Variants in NUP155 observed in about 807,000 individuals in gnomAD.
The protein encoded by NUP155 is nucleoporin 155.
NUP155 carries 71 observed loss-of-function variants against 180.4 expected under a neutral mutation model. The observed-to-expected ratio is 0.39, with a 90% CI of 0.33 to 0.48. The LOEUF (loss-of-function observed/expected upper bound fraction) is 0.48, where lower values mean the gene tolerates loss of function less well. Ranked by LOEUF, NUP155 falls within the 20% of genes least tolerant of loss-of-function variation. NUP155 has a pLI of 0.91. For synonymous variants in NUP155, 582 were observed against 559.5 expected (o/e 1.04, Z -0.57); for missense variants, 1,553 against 1,648.9 (o/e 0.94, Z 1.01).
chr5:37,317,649 C>T (rs540112008), intron 21 of NUP155, among the ~76,000 whole-genome samples: 87 of 151,094 alleles, frequency 5.8e-4, no homozygotes, highest in Non-Finnish European at 1.1e-3. Flanking sequence ...TATACAATAT[C>T]CATATTAATA....
chr5:37,303,328 C>A lies in NUP155; in HGVS notation c.3249G>T (p.Arg1083=). Residue 1083 remains arginine, a synonymous_variant, in exon 28 of 35, where the codon CGG becomes CGT. Coordinates refer to ENST00000231498, the MANE Select transcript of NUP155 (RefSeq NM_153485.3). ...TGAAACTTCTGTTCTTCTCGTAATACCGCCAGAGTAAATCCATATAACGAA... is the reference window on the plus strand; with the variant it reads ...TGAAACTTCTGTTCTTCTCGTAATAACGCCAGAGTAAATCCATATAACGAA... ...NRVRYMDLLW[R]YYEKNRSFSN... is the part of the protein sequence containing the mutation. The A allele has an allele frequency of 6.2e-7, 1 of 1,614,118 alleles. No homozygotes were observed. The highest frequency in any genetic ancestry group is 1.1e-5 in the South Asian group (1 of 91,084).
intron 32 of NUP155, 26 bp from the exon 33 acceptor site, chr5:37,294,491 A>G (rs1393684803): frequency 6.2e-7 from 1 of 1,609,906 alleles, no homozygotes; most frequent in Non-Finnish European, 8.5e-7. Context: ...AAGATCGGAA[A>G]TTTGGATTTT....
chr5:37,291,979 G>A lies in NUP155; in HGVS notation c.4097C>T (p.Ser1366Phe). Residue 1366 changes from serine (S) to phenylalanine (F), a missense_variant, in exon 35 of 35, where the codon TCT (serine) becomes TTT (phenylalanine). By Grantham distance (155) the Ser-to-Phe change is radical. Transcript: ENST00000231498. ...TTGTACTGCTACTGACGAGCTCATA[G>A]ACTGGAGCTCAACAAGGTAACCACA... Reference protein sequence around the residue: ...AVCGYLVELQSMSSSVAVQAI... With the variant: ...AVCGYLVELQFMSSSVAVQAI... The A allele has an allele frequency of 6.2e-7, 1 of 1,613,296 alleles. No homozygotes were observed. The highest frequency in any genetic ancestry group is 1.1e-5 in the South Asian group (1 of 91,064).
chr5:37,300,659 G>GT (rs374899115), intron 30 of NUP155, among the ~76,000 whole-genome samples: 4,339 of 151,106 alleles, frequency 0.029, 221 homozygotes, highest in African/African-American at 0.099. Context: ...TGGTTTTTTA[G>GT]TTTTTTTTTC....
At chr5:37,308,369 A>G (rs1489480978) in intron 24 of NUP155, among the ~76,000 whole-genome samples, 2 of 152,066 alleles carry the variant, frequency 1.3e-5, no homozygotes, top group Admixed American at 1.3e-4. Context: ...CCTGGCTAAC[A>G]TGGTAAAACC....
intron 12 of NUP155, 54 bp from the exon 13 acceptor site, chr5:37,333,687 A>C: frequency 1.5e-6 from 2 of 1,318,640 alleles, no homozygotes; most frequent in South Asian, 2.5e-5. Flanking sequence ...CATAATGCAA[A>C]AGAAAAAACT....
intron 9 of NUP155, among the ~76,000 whole-genome samples, chr5:37,343,961 C>G (rs1403678360): frequency 6.6e-6 from 1 of 152,016 alleles, no homozygotes; most frequent in African/African-American, 2.4e-5. Flanking sequence ...CTCAATGAAG[C>G]TTTCAACAGT....
chr5:37,299,538 G>C lies in NUP155; in HGVS notation c.3592C>G (p.Leu1198Val). The change falls in exon 31 of 35, where the codon CTT becomes GTT. Residue 1198 changes from leucine to valine, a missense_variant. Transcript: ENST00000231498. Reference protein sequence around the residue: ...LYGEFADPFKLAECKLAIIHC... With the variant: ...LYGEFADPFKVAECKLAIIHC... ...ATTATTGCAAGTTTGCACTCTGCAA[G>C]TTTAAATGGGTCAGCAAATTCCCCA... The C allele has an allele frequency of 6.2e-7, 1 of 1,614,060 alleles. No homozygotes were observed. Among genetic ancestry groups the C allele is most frequent in the Non-Finnish European group, 8.5e-7 (1 of 1,179,966 alleles).
chr5:37,300,785 T>C lies in NUP155; in HGVS notation c.3561+652A>G, dbSNP rs542042798. 5.3e-5 allele frequency among the ~76,000 whole-genome samples: 8 copies of C among 151,316 alleles called. No individual in the cohort carries two copies. The East Asian group carries it at 1.6e-3, about 29-fold the overall frequency. On this transcript the variant is annotated intron_variant, in intron 30 of 34. Transcript: ENST00000231498. The stretch of plus-strand genomic sequence containing the variant: ...AATCCTCCCACCTCAGACTCCTGAG[T>C]AGATGAACTACAACCACACACCACC...
intron 1 of NUP155, among the ~76,000 whole-genome samples, chr5:37,366,403 T>G (rs1747586362): frequency 6.6e-6 from 1 of 152,218 alleles, no homozygotes; most frequent in African/African-American, 2.4e-5. Context: ...CCAATCATGT[T>G]TCATTTTTAT....
chr5:37,358,217 G>A, intron 3 of NUP155, 66 bp from the exon 4 acceptor site: 1 of 1,133,992 alleles, frequency 8.8e-7, no homozygotes. Context: ...GGTGGCTCAT[G>A]TCTTTAATCC....
chr5:37,335,288 G>A lies in NUP155; in HGVS notation c.1348-1655C>T, dbSNP rs185291775. On this transcript the variant is annotated intron_variant, in intron 12 of 34. Coordinates refer to ENST00000231498, the MANE Select transcript of NUP155 (RefSeq NM_153485.3). ...CCCAGCAACTCAGAAGGCTGAGGTA[G>A]GAGGATTGCTTGAACCCAGGAGTTT... Among the ~76,000 whole-genome samples, 835 of 150,038 alleles carry A rather than the reference G, an allele frequency of 5.6e-3. 8 individuals are homozygous for A. The highest frequency in any genetic ancestry group is 0.024 in the Middle Eastern group (7 of 288).
intron 17 of NUP155, 23 bp downstream of exon 17, chr5:37,328,335 T>C: frequency 6.4e-7 from 1 of 1,567,066 alleles, no homozygotes; most frequent in East Asian, 2.2e-5. Flanking sequence ...ATGAATCCAA[T>C]CCAAAACAAA....
chr5:37,328,451 A>G (rs1366019898), intron 16 of NUP155, 31 bp from the exon 17 acceptor site: 2 of 1,431,812 alleles, frequency 1.4e-6, no homozygotes, highest in Non-Finnish European at 9.9e-7. Context: ...ATAAAGATTT[A>G]GAAAAGAACA....
intron 11 of NUP155, 97 bp downstream of exon 11, chr5:37,340,993 C>T: frequency 9.6e-7 from 1 of 1,037,376 alleles, no homozygotes; most frequent in South Asian, 1.4e-5. Context: ...CCAGTTTCTA[C>T]TGTTGCCATA....
chr5:37,333,474 G>A lies in NUP155; in HGVS notation c.1507C>T (p.Leu503Phe), dbSNP rs758699546. 1.2e-6 allele frequency: 2 copies of A among 1,613,930 alleles called. No homozygotes were observed. Among genetic ancestry groups the A allele is most frequent in the East Asian group, 4.5e-5 (2 of 44,870 alleles). Residue 503 changes from leucine (L) to phenylalanine (F), a missense_variant, in exon 13 of 35, where the codon CTC becomes TTC. Transcript: ENST00000231498. ...HMLPPKKFVLLSAQGSLMFHK... is the reference protein window; with the variant it reads ...HMLPPKKFVLFSAQGSLMFHK... ...GAATACGTACACACCTGTGCTGAGA[G>A]GAGAACAAATTTCTTCGGAGGTAAC... is the stretch of plus-strand genomic sequence containing the variant.
chr5:37,362,111 T>G (rs573365891), intron 3 of NUP155, among the ~76,000 whole-genome samples: 2 of 152,274 alleles, frequency 1.3e-5, no homozygotes, highest in African/African-American at 4.8e-5. Context: ...GTATTCTGTT[T>G]TAGCAGCTCG....
In NUP155 at chr5:37,371,048, G is replaced by A. The variant is rs1284501018; in HGVS notation, c.-71C>T. ...GGAGAAACAAGAAAAGATCCAAGAAGTTAGCTTAGATCCGCCGCCTAGGGC... is the reference window on the plus strand; with the variant it reads ...GGAGAAACAAGAAAAGATCCAAGAAATTAGCTTAGATCCGCCGCCTAGGGC... On this transcript the variant is annotated 5_prime_UTR_variant, in exon 1 of 35. Coordinates refer to ENST00000231498, the MANE Select transcript of NUP155 (RefSeq NM_153485.3). The A allele has an allele frequency of 2.6e-6, 4 of 1,550,048 alleles. No individual in the cohort carries two copies. The highest frequency in any genetic ancestry group is 2.7e-6 in the Non-Finnish European group (3 of 1,131,670).
At chr5:37,301,381 A>G in intron 30 of NUP155, 56 bp downstream of exon 30, 1 of 1,235,576 alleles carries the variant, frequency 8.1e-7, no homozygotes, top group Non-Finnish European at 1.2e-6. Context: ...AATAAAAAAC[A>G]AAAATTTCTC....
Sources: allele counts gnomAD v4.1 joint callset (sites outside exome capture counted in the v4.1 genomes callset), GRCh38; gene constraint gnomAD v4.1.1; transcripts MANE v1.5; gene names NCBI Gene and HGNC (gene_info 2026-07-23, HGNC 2026-07-21).